Variants in FUBP3 observed in about 807,000 individuals in gnomAD.
FUBP3 encodes far upstream element binding protein 3, also known as far upstream element-binding protein 3.
A neutral mutation model predicts 85.6 loss-of-function variants in FUBP3; 28 were observed. The observed-to-expected ratio is 0.33, with a 90% confidence interval of 0.24 to 0.45. FUBP3 has a LOEUF of 0.45. Ranked by LOEUF, FUBP3 falls within the 20% of genes least tolerant of loss-of-function variation. The pLI is 1.00. For missense variants in FUBP3, 583 were observed against 755.1 expected (o/e 0.77, Z 2.67); for synonymous variants, 271 against 271.4 (o/e 1.00, Z 0.01).
At chr9:130,627,902 C>T (rs1403712461) in intron 12 of FUBP3, among the ~76,000 whole-genome samples, 3 of 152,176 alleles carry the variant, frequency 2.0e-5, no homozygotes, top group Non-Finnish European at 4.4e-5. Context: ...TTGGTGCTCA[C>T]AGAGCAGCCC....
chr9:130,588,120 T>C (rs2119009292), intron 1 of FUBP3, among the ~76,000 whole-genome samples: 1 of 152,292 alleles, frequency 6.6e-6, no homozygotes, highest in Admixed American at 6.5e-5. Flanking sequence ...TTCTTATATA[T>C]GTTCTTTCAT....
chr9:130,584,805 G>A (rs1564187439), intron 1 of FUBP3, among the ~76,000 whole-genome samples: 1 of 152,094 alleles, frequency 6.6e-6, no homozygotes, highest in Non-Finnish European at 1.5e-5. Context: ...GGAGGTGGAG[G>A]TTGCAGTGAG....
chr9:130,612,556 C>G lies in FUBP3; in HGVS notation c.274+51C>G. The G allele has an allele frequency of 2.6e-6, 3 of 1,164,290 alleles. No individual in the cohort carries two copies. Among genetic ancestry groups the G allele is most frequent in the Non-Finnish European group, 3.9e-6 (3 of 775,926 alleles). The allele number at this position is 1,164,290 out of a possible 1,614,324, so 72.1% of individuals were successfully genotyped here. A position where few individuals can be genotyped will look rare whatever the true frequency, so the allele number is the denominator to read the frequency against. On this transcript the variant is annotated intron_variant, in intron 4 of 18. Coordinates refer to ENST00000319725, the MANE Select transcript of FUBP3 (RefSeq NM_003934.2). This position sits in a 1 kb window ranked among gnomAD's most constrained non-coding sequence, Gnocchi z 4.1. ...TCCCTGATTCCTGTCTCTTCTTTTTCTCTCTTTTTTTCTGAGCTGCTTTGC... is the reference window on the plus strand; with the variant it reads ...TCCCTGATTCCTGTCTCTTCTTTTTGTCTCTTTTTTTCTGAGCTGCTTTGC...
chr9:130,603,282 G>A (rs560457591), intron 2 of FUBP3, among the ~76,000 whole-genome samples: 1 of 148,772 alleles, frequency 6.7e-6, no homozygotes, highest in Non-Finnish European at 1.5e-5. Flanking sequence ...GGGAGGCAGA[G>A]GTTGCAGTGA....
intron 9 of FUBP3, among the ~76,000 whole-genome samples, chr9:130,622,228 G>T (rs1431125233): frequency 1.3e-5 from 2 of 151,244 alleles, no homozygotes; most frequent in Admixed American, 6.6e-5. Flanking sequence ...GGAGGCTGAG[G>T]CAGGGAGAAC....
intron 13 of FUBP3, chr9:130,631,240 T>C (rs1331824453): frequency 1.6e-6 from 2 of 1,288,410 alleles, no homozygotes; most frequent in Non-Finnish European, 2.0e-6. Flanking sequence ...AATGGGGACG[T>C]AGAATGGCAG....
At chr9:130,622,104 C>G (rs142280328) in intron 9 of FUBP3, among the ~76,000 whole-genome samples, 198 of 152,052 alleles carry the variant, frequency 1.3e-3, no homozygotes, top group Admixed American at 3.1e-3. Context: ...AGGCAGATCA[C>G]TTGAGGTCAG....
In FUBP3 at chr9:130,594,698, A is replaced by G. The variant is rs538740515; in HGVS notation, c.85-785A>G. On this transcript the variant is annotated intron_variant, in intron 1 of 18. Transcript: ENST00000319725. ...GACTTGAGCTTGGAAAATTGAGGGT[A>G]CAGTGAACAATGATCACATCACTGC... is the stretch of plus-strand genomic sequence containing the variant. Among the ~76,000 whole-genome samples the G allele has an allele frequency of 9.1e-4, 139 of 152,240 alleles. 2 individuals carry two copies. Among genetic ancestry groups the G allele is most frequent in the Middle Eastern group, 6.8e-3 (2 of 292 alleles).
intron 11 of FUBP3, among the ~76,000 whole-genome samples, chr9:130,625,380 T>C (rs1829929610): frequency 6.6e-6 from 1 of 152,196 alleles, no homozygotes; most frequent in Admixed American, 6.5e-5. Context: ...AAGAGCAGAG[T>C]GCGGGGGAAA....
In FUBP3 at chr9:130,636,138, A is replaced by G. The variant is rs1349598695; in HGVS notation, c.1710+12A>G. On this transcript the variant is annotated intron_variant, in intron 18 of 18. Transcript: ENST00000319725. ...AGGCCCACAGCCAGGTCTGTAGCTG[A>G]TCACCAGCACCGCTGCCACTCCCTA... The G allele has an allele frequency of 1.2e-6, 2 of 1,612,146 alleles. No homozygotes were observed. The highest frequency in any genetic ancestry group is 1.7e-6 in the Non-Finnish European group (2 of 1,179,142).
intron 2 of FUBP3, among the ~76,000 whole-genome samples, chr9:130,599,703 T>C (rs1052570381): frequency 2.6e-5 from 4 of 152,210 alleles, no homozygotes; most frequent in African/African-American, 9.6e-5. Flanking sequence ...GTCTTTGATA[T>C]GCATCCTTGG....
rs189941287 is a variant in FUBP3, at chr9:130,593,199, C to T, written c.85-2284C>T. ...CCCATTTAAAGCAGCTTCCTAAGCA[C>T]GCTCTGTGTGACATTATCTTCTCTT... On this transcript the variant is annotated intron_variant, in intron 1 of 18. Coordinates refer to ENST00000319725, the MANE Select transcript of FUBP3 (RefSeq NM_003934.2). Among the ~76,000 whole-genome samples the T allele has an allele frequency of 3.7e-3, 566 of 152,288 alleles. 1 individual carries two copies. The highest frequency in any genetic ancestry group is 4.9e-3 in the Non-Finnish European group (336 of 68,024).
In FUBP3 at chr9:130,622,772, T is replaced by G. The variant is rs1199089275; in HGVS notation, c.836T>G (p.Ile279Ser). ...AGAAACGGGGAAATGATCAAAAAGA[T>G]CCAGAATGATGCTGGTGTGAGGATT... ...IGRNGEMIKK[I>S]QNDAGVRIQF... Residue 279 changes from isoleucine to serine, a missense_variant, in exon 10 of 19, where the codon ATC (isoleucine) becomes AGC (serine). Physicochemically the swap from Ile to Ser is moderately radical, Grantham distance 142. Around this residue, in one of 3 missense-constraint regions of FUBP3, gnomAD observed 404 missense variants for 516.8 expected, o/e 0.78. Transcript: ENST00000319725. The G allele has an allele frequency of 6.3e-7, 1 of 1,597,350 alleles. No homozygotes were observed.
rs1830163846 is a variant in FUBP3 at position 130,630,398 on chromosome 9, G to C, written c.1118-230G>C. On this transcript the variant is annotated intron_variant, in intron 12 of 18. Transcript: ENST00000319725. ...ACATGGCATCTGTGGCCTCAGCTTG[G>C]CCTTGAGAGAAAGTCCAGCTTCACT... Among the ~76,000 whole-genome samples the C allele has an allele frequency of 3.3e-5, 5 of 152,332 alleles. No individual in the cohort carries two copies. The South Asian group carries it at 1.0e-3, about 32-fold the overall frequency.
chr9:130,632,749 ACTT>A (rs1482158472), intron 16 of FUBP3, among the ~76,000 whole-genome samples: 3 of 152,236 alleles, frequency 2.0e-5, no homozygotes, highest in South Asian at 2.1e-4. Context: ...CTAGGGAATG[ACTT>A]CTTCTGCATC....
At chr9:130,613,049 A>T in intron 5 of FUBP3, 22 bp downstream of exon 5, 1 of 1,487,496 alleles carries the variant, frequency 6.7e-7, no homozygotes, top group Non-Finnish European at 9.4e-7. Context: ...TTAAAAATAG[A>T]TATCAATTTT....
In FUBP3 at chr9:130,612,360, A is replaced by G. The variant is rs1831790736; in HGVS notation, c.225-96A>G. On this transcript the variant is annotated intron_variant, in intron 3 of 18. Transcript: ENST00000319725. The surrounding 1 kb of genome is among the most constrained non-coding windows in gnomAD (Gnocchi z 4.1). ...TTGGCCTGATGTATTTTAAGCTTTT[A>G]TCATGCAACATTGCCAGTATGGGCA... is the stretch of plus-strand genomic sequence containing the variant. 7 of 736,846 alleles carry G rather than the reference A, an allele frequency of 9.5e-6. No individual in the cohort carries two copies. The highest frequency in any genetic ancestry group is 8.0e-5 in the South Asian group (5 of 62,722). The allele number at this position is 736,846 out of a possible 1,614,324, so 45.6% of individuals were successfully genotyped here. A position where few individuals can be genotyped will look rare whatever the true frequency, so the allele number is the denominator to read the frequency against.
intron 5 of FUBP3, 124 bp from the exon 6 acceptor site, chr9:130,614,164 T>G: frequency 1.7e-6 from 1 of 580,502 alleles, no homozygotes; most frequent in Non-Finnish European, 3.2e-6. Flanking sequence ...CAAACTGTCT[T>G]TTTCTGGGAG....
intron 2 of FUBP3, among the ~76,000 whole-genome samples, chr9:130,596,155 A>T (rs1016694439): frequency 3.3e-5 from 5 of 152,198 alleles, no homozygotes; most frequent in African/African-American, 4.8e-5. Flanking sequence ...GAGAACACTT[A>T]GAAGTGCCAA....
Sources: allele counts gnomAD v4.1 joint callset (sites outside exome capture counted in the v4.1 genomes callset), GRCh38; gene constraint gnomAD v4.1.1; regional missense constraint gnomAD v4.1.1; non-coding constraint Gnocchi (gnomAD v3.1); transcripts MANE v1.5; gene names NCBI Gene and HGNC (gene_info 2026-07-23, HGNC 2026-07-21).